Variants in VAV3 observed in about 807,000 individuals in gnomAD.
VAV3 encodes vav guanine nucleotide exchange factor 3, also known as guanine nucleotide exchange factor VAV3.
VAV3 carries 94 observed loss-of-function variants against 131.2 expected under a neutral mutation model. The observed-to-expected ratio is 0.72, with a 90% CI of 0.61 to 0.85. VAV3 has a LOEUF of 0.85. Ranked by LOEUF, VAV3 falls within the 40% of genes least tolerant of loss-of-function variation. The probability of loss-of-function intolerance (pLI) is 0.00; values close to 1 mark genes in which losing one functional copy is unlikely to be tolerated. For missense variants in VAV3, 939 were observed against 1,002.7 expected (o/e 0.94, Z 0.86); for synonymous variants, 349 against 342.0 (o/e 1.02, Z -0.22).
At chr1:107,696,509 T>C (rs1659758047) in intron 17 of VAV3, among the ~76,000 whole-genome samples, 2 of 152,182 alleles carry the variant, frequency 1.3e-5, no homozygotes, top group African/African-American at 4.8e-5. Flanking sequence ...CTACTAGTCA[T>C]AGCTTTCTGG....
At chr1:107,636,649 T>C (rs1288541545) in intron 20 of VAV3, among the ~76,000 whole-genome samples, 1 of 152,198 alleles carries the variant, frequency 6.6e-6, no homozygotes, top group Non-Finnish European at 1.5e-5. Flanking sequence ...AATACTGTAC[T>C]GAAAGTGAAA....
At chr1:107,630,373 G>C (rs1358502740) in intron 20 of VAV3, among the ~76,000 whole-genome samples, 3 of 152,000 alleles carry the variant, frequency 2.0e-5, no homozygotes, top group African/African-American at 7.2e-5. Flanking sequence ...ATGGATGGAT[G>C]GATGGATAGG....
intron 1 of VAV3, among the ~76,000 whole-genome samples, chr1:107,963,866 G>C (rs1440625451): frequency 6.6e-6 from 1 of 152,154 alleles, no homozygotes; most frequent in African/African-American, 2.4e-5. Flanking sequence ...TGTGACTTTT[G>C]AGCTGACTCT....
At chr1:107,622,528 C>T (rs1653685940) in intron 20 of VAV3, among the ~76,000 whole-genome samples, 1 of 152,094 alleles carries the variant, frequency 6.6e-6, no homozygotes, top group South Asian at 2.1e-4. Context: ...CTCATTTATC[C>T]CCTTAATACT....
At chr1:107,637,494 T>C (rs1028293416) in intron 20 of VAV3, among the ~76,000 whole-genome samples, 59 of 152,084 alleles carry the variant, frequency 3.9e-4, no homozygotes, top group African/African-American at 1.3e-3. Flanking sequence ...ATGGTGACGT[T>C]CACCTGTAAT....
chr1:107,756,638 C>T (rs945800626), intron 11 of VAV3, among the ~76,000 whole-genome samples: 8 of 151,770 alleles, frequency 5.3e-5, no homozygotes, highest in Non-Finnish European at 1.2e-4. Flanking sequence ...GTTTCAAAGT[C>T]ATTTTTATTT....
chr1:107,691,864 T>C (rs541134234), intron 17 of VAV3, among the ~76,000 whole-genome samples: 48 of 152,284 alleles, frequency 3.2e-4, no homozygotes, highest in African/African-American at 1.0e-3. Context: ...ATGTGCATTA[T>C]TGGTGCAAGA....
intron 18 of VAV3, chr1:107,685,831 C>T (rs1428183916): frequency 6.6e-6 from 1 of 151,734 alleles, no homozygotes; most frequent in African/African-American, 2.4e-5. Context: ...TACTCCCCTC[C>T]CCAATCTATA....
intron 1 of VAV3, among the ~76,000 whole-genome samples, chr1:107,893,813 T>C (rs1334873428): frequency 1.3e-5 from 2 of 152,224 alleles, no homozygotes; most frequent in Admixed American, 1.3e-4. Flanking sequence ...GATCAAGCAT[T>C]AAATATGGCA....
chr1:107,620,876 A>C (rs1051885216), intron 20 of VAV3, among the ~76,000 whole-genome samples: 3 of 152,156 alleles, frequency 2.0e-5, no homozygotes, highest in Non-Finnish European at 4.4e-5. Context: ...CACACAAAAG[A>C]CATAAATGGG....
At chr1:107,865,532 A>C (rs1386189711) in intron 2 of VAV3, among the ~76,000 whole-genome samples, 2 of 152,208 alleles carry the variant, frequency 1.3e-5, no homozygotes, top group East Asian at 3.8e-4. Flanking sequence ...GATGATTTAT[A>C]ATTTGGAAGG....
At chr1:107,950,341 T>A (rs1674474753) in intron 1 of VAV3, among the ~76,000 whole-genome samples, 1 of 152,138 alleles carries the variant, frequency 6.6e-6, no homozygotes, top group Non-Finnish European at 1.5e-5. Context: ...ATAATAATAG[T>A]CACCATTGTA....
intron 20 of VAV3, among the ~76,000 whole-genome samples, chr1:107,627,869 T>A (rs925309189): frequency 2.6e-5 from 4 of 152,220 alleles, no homozygotes; most frequent in Non-Finnish European, 5.9e-5. Context: ...TAACACCTTA[T>A]GGAGATCACA....
chr1:107,857,615 T>C (rs1034240103), intron 2 of VAV3, among the ~76,000 whole-genome samples: 4 of 152,192 alleles, frequency 2.6e-5, no homozygotes, highest in African/African-American at 9.7e-5. Context: ...TAGACCTTCT[T>C]GCGGGTATGT....
chr1:107,723,156 T>C (rs969261470), intron 15 of VAV3, among the ~76,000 whole-genome samples: 6 of 152,140 alleles, frequency 3.9e-5, no homozygotes, highest in East Asian at 1.9e-4. Context: ...ACTCCACATA[T>C]AATAGAATCT....
At chr1:107,576,482 G>A (rs1387336443) in intron 25 of VAV3, 27 of 1,499,128 alleles carry the variant, frequency 1.8e-5, no homozygotes, top group Admixed American at 2.3e-5. Flanking sequence ...GGGGCTTTGA[G>A]AAAGAAAGAA....
At chr1:107,807,353 T>C (rs1293657639) in intron 2 of VAV3, among the ~76,000 whole-genome samples, 2 of 152,196 alleles carry the variant, frequency 1.3e-5, no homozygotes, top group Non-Finnish European at 2.9e-5. Flanking sequence ...CTTCTCCCCT[T>C]ATATAGTAGA....
intron 20 of VAV3, among the ~76,000 whole-genome samples, chr1:107,630,948 T>C (rs887551235): frequency 6.6e-6 from 1 of 152,310 alleles, no homozygotes; most frequent in South Asian, 2.1e-4. Context: ...GTACCTTCCA[T>C]ATGTCCAGTC....
intron 6 of VAV3, among the ~76,000 whole-genome samples, chr1:107,768,718 C>T (rs1340482747): frequency 6.6e-6 from 1 of 152,062 alleles, no homozygotes; most frequent in Non-Finnish European, 1.5e-5. Context: ...AATATTAATA[C>T]ATTTAAAGTA....
Sources: gnomAD v4.1 joint callset for allele counts (sites outside exome capture counted in the v4.1 genomes callset) on GRCh38, gnomAD v4.1.1 for gene constraint, MANE v1.5 for transcripts, NCBI Gene and HGNC (gene_info 2026-07-23, HGNC 2026-07-21) for gene names.